Variants in CNTN5 observed in about 807,000 individuals in gnomAD.
CNTN5 encodes contactin-5.
In CNTN5, 77 loss-of-function variants were observed where a neutral mutation model predicts 129.1. That is an observed-to-expected ratio of 0.60 (90% confidence interval 0.50 to 0.72). CNTN5 has a LOEUF of 0.72. Among genes scored for constraint, CNTN5 ranks in the 30% least tolerant of loss-of-function variants. The pLI, the probability that CNTN5 is intolerant of heterozygous loss-of-function variation, is 0.00. For synonymous variants in CNTN5, 509 were observed against 465.6 expected (o/e 1.09, Z -1.20); for missense variants, 1,478 against 1,328.8 (o/e 1.11, Z -1.75).
intron 1 of CNTN5, among the ~76,000 whole-genome samples, chr11:99,213,365 TG>T: frequency 1.7e-5 from 1 of 58,260 alleles, no homozygotes. Context: ...TGTGTATATA[TG>T]TATATATGTA....
At chr11:99,270,000 G>C (rs1297320011) in intron 1 of CNTN5, among the ~76,000 whole-genome samples, 12 of 151,798 alleles carry the variant, frequency 7.9e-5, no homozygotes, top group Admixed American at 7.3e-4. Context: ...CTATGGACTA[G>C]CCTTACATAA....
rs182354390 is a variant in CNTN5 at position 99,195,413 on chromosome 11, G to A, written c.-209-129933G>A. ...CATGGTTTAAATGAGAGGATATGGCGTCCTCTTTATTTTTCAAAATTTATT... is the reference window on the plus strand; with the variant it reads ...CATGGTTTAAATGAGAGGATATGGCATCCTCTTTATTTTTCAAAATTTATT... On this transcript the variant is annotated intron_variant, in intron 1 of 24. Transcript: ENST00000524871. Among the ~76,000 whole-genome samples, 77 of 152,118 alleles carry A rather than the reference G, an allele frequency of 5.1e-4. 1 individual carries two copies. The South Asian group carries it at 8.1e-3, about 16-fold the overall frequency.
At chr11:100,330,451 G>A (rs1951882818) in intron 21 of CNTN5, among the ~76,000 whole-genome samples, 1 of 151,698 alleles carries the variant, frequency 6.6e-6, no homozygotes, top group African/African-American at 2.4e-5. Flanking sequence ...TAGAACTCTA[G>A]ACATCCAAAT....
Position 99,744,856 on chromosome 11 carries a change from A to C in CNTN5, c.56-74688A>C, listed in dbSNP as rs1944003965. ...AAGCACATACTATGTAGGGAAAGAG[A>C]AGAATAGTTGGCTTATCTGCCAATG... On this transcript the variant is annotated intron_variant, in intron 3 of 24. Transcript: ENST00000524871. Among the ~76,000 whole-genome samples, 4 of 148,660 alleles carry C rather than the reference A, an allele frequency of 2.7e-5. No individual in the cohort carries two copies. The South Asian group carries it at 8.4e-4, about 31-fold the overall frequency.
chr11:99,833,049 A>G (rs2135622841), intron 4 of CNTN5, among the ~76,000 whole-genome samples: 1 of 152,328 alleles, frequency 6.6e-6, no homozygotes, highest in East Asian at 1.9e-4. Context: ...GGGAGACATG[A>G]TAATGTTGGG....
At chr11:100,043,202 CATTTG>C (rs937512952) in intron 9 of CNTN5, among the ~76,000 whole-genome samples, 3 of 152,128 alleles carry the variant, frequency 2.0e-5, no homozygotes, top group Non-Finnish European at 4.4e-5. Flanking sequence ...TCAAATCAGC[CATTTG>C]AAAACAGCAA....
chr11:100,310,218 T>A lies in CNTN5; in HGVS notation c.2730+1750T>A, dbSNP rs1285278628. ...TGAATCGGAACATCTGGGGCAGACG[T>A]CTGGTGTGCATACCTTTCAGAAAGC... is the stretch of plus-strand genomic sequence containing the variant. On this transcript the variant is annotated intron_variant, in intron 21 of 24. Transcript: ENST00000524871. Among the ~76,000 whole-genome samples the A allele has an allele frequency of 2.6e-5, 4 of 152,004 alleles. No individual in the cohort carries two copies. In the South Asian group the frequency reaches 8.3e-4, roughly 32 times the overall value.
intron 3 of CNTN5, among the ~76,000 whole-genome samples, chr11:99,595,252 A>C (rs947114769): frequency 1.3e-5 from 2 of 152,206 alleles, no homozygotes; most frequent in Non-Finnish European, 2.9e-5. Flanking sequence ...AAAGTGATTG[A>C]TATGGTAATT....
At chr11:99,241,532 G>C (rs1176510462) in intron 1 of CNTN5, among the ~76,000 whole-genome samples, 1 of 152,054 alleles carries the variant, frequency 6.6e-6, no homozygotes, top group Non-Finnish European at 1.5e-5. Flanking sequence ...TCTCAGTGAA[G>C]TGTAGACCAT....
chr11:99,491,976 C>G (rs1591156022), intron 2 of CNTN5, among the ~76,000 whole-genome samples: 1 of 152,124 alleles, frequency 6.6e-6, no homozygotes, highest in East Asian at 1.9e-4. Flanking sequence ...AGTCATATAA[C>G]CAACTTGAAG....
At chr11:99,493,094 C>T (rs1322234890) in intron 2 of CNTN5, among the ~76,000 whole-genome samples, 1 of 152,160 alleles carries the variant, frequency 6.6e-6, no homozygotes, top group Admixed American at 6.5e-5. Context: ...AATGCCCAGG[C>T]ACCATATTCT....
chr11:100,312,346 T>C (rs1314742433), intron 21 of CNTN5, among the ~76,000 whole-genome samples: 2 of 151,998 alleles, frequency 1.3e-5, no homozygotes, highest in Non-Finnish European at 2.9e-5. Context: ...TCAGGATCTC[T>C]CTTTTCCTCT....
At chr11:99,450,246 T>C (rs1944243592) in intron 2 of CNTN5, among the ~76,000 whole-genome samples, 1 of 135,990 alleles carries the variant, frequency 7.4e-6, no homozygotes, top group Non-Finnish European at 1.5e-5. Context: ...GCAAAAAGTA[T>C]TGCTGGTAGA....
At chr11:99,941,083 T>A (rs1950424797) in intron 7 of CNTN5, among the ~76,000 whole-genome samples, 2 of 152,118 alleles carry the variant, frequency 1.3e-5, no homozygotes, top group African/African-American at 4.8e-5. Flanking sequence ...ATTAATTTTC[T>A]CTCCCACTTC....
chr11:99,456,483 A>G lies in CNTN5; in HGVS notation c.-70-99662A>G, dbSNP rs1160015226. 8.5e-5 allele frequency among the ~76,000 whole-genome samples: 13 copies of G among 152,164 alleles called. No individual in the cohort carries two copies. In the South Asian group the frequency reaches 2.7e-3, roughly 32 times the overall value. On this transcript the variant is annotated intron_variant, in intron 2 of 24. Coordinates refer to ENST00000524871, the MANE Select transcript of CNTN5 (RefSeq NM_014361.4). ...TACTGAGAGAATAAATTTTTCCCTT[A>G]TGTGCAGTGTTATCTAAATCAATCT...
At chr11:99,809,160 TG>T (rs1409856358) in intron 3 of CNTN5, among the ~76,000 whole-genome samples, 10 of 152,140 alleles carry the variant, frequency 6.6e-5, no homozygotes, top group Admixed American at 5.9e-4. Context: ...GGGAGAATGA[TG>T]TCAGACCCTC....
At chr11:99,380,273 G>A (rs1417484618) in intron 2 of CNTN5, among the ~76,000 whole-genome samples, 1 of 152,070 alleles carries the variant, frequency 6.6e-6, no homozygotes, top group South Asian at 2.1e-4. Flanking sequence ...ACACATCTCA[G>A]CATGAAATTA....
At chr11:100,150,783 T>A (rs1392501091) in intron 13 of CNTN5, among the ~76,000 whole-genome samples, 1 of 152,112 alleles carries the variant, frequency 6.6e-6, no homozygotes, top group East Asian at 1.9e-4. Flanking sequence ...ACAACAATAT[T>A]GCATTGTTAT....
At chr11:99,755,414 G>T (rs114499200) in intron 3 of CNTN5, among the ~76,000 whole-genome samples, 120 of 152,138 alleles carry the variant, frequency 7.9e-4, no homozygotes, top group African/African-American at 2.8e-3. Context: ...TAGATTTTGG[G>T]CATTGTAAAA....
Sources: gnomAD v4.1 joint callset for allele counts (sites outside exome capture counted in the v4.1 genomes callset) on GRCh38, gnomAD v4.1.1 for gene constraint, MANE v1.5 for transcripts, NCBI Gene and HGNC (gene_info 2026-07-23, HGNC 2026-07-21) for gene names.